UBR4: variants seen among roughly 807,000 people sequenced by gnomAD.
The protein encoded by UBR4 is ubiquitin protein ligase E3 component n-recognin 4.
Under a neutral mutation model 575.6 loss-of-function variants are expected in UBR4, and 124 were observed. That is an observed-to-expected ratio of 0.22 (90% CI 0.19 to 0.25). UBR4 has a LOEUF of 0.25. UBR4 is among the 10% of genes least tolerant of loss of function. The probability of loss-of-function intolerance (pLI) is 1.00; values close to 1 mark genes in which losing one functional copy is unlikely to be tolerated. For synonymous variants in UBR4, 2,455 were observed against 2,473.7 expected, an observed-to-expected ratio of 0.99 and a Z score of 0.22; for missense variants, 4,818 against 6,478.8, an observed-to-expected ratio of 0.74 and a Z score of 8.80.
chr1:19,179,687 A>G (rs2090670864), intron 17 of UBR4, among the ~76,000 whole-genome samples: 2 of 152,026 alleles, frequency 1.3e-5, no homozygotes, highest in African/African-American at 4.8e-5. Context: ...AATTCTGCCT[A>G]TGAGATCTCA....
intron 73 of UBR4, 142 bp from the exon 74 acceptor site, chr1:19,115,779 T>C (rs2080447379): frequency 8.2e-6 from 11 of 1,341,036 alleles, no homozygotes; most frequent in Admixed American, 2.4e-5. Flanking sequence ...TGGCATATAA[T>C]AGGAAGCCAG....
chr1:19,161,259 C>T (rs2087308084), intron 37 of UBR4, 112 bp from the exon 38 acceptor site: 1 of 992,754 alleles, frequency 1.0e-6, no homozygotes, highest in Admixed American at 2.4e-5. Context: ...CTAAGCGTTT[C>T]AATGTTATCC....
chr1:19,190,467 C>G (rs1336108389), intron 11 of UBR4, among the ~76,000 whole-genome samples: 2 of 151,788 alleles, frequency 1.3e-5, no homozygotes, highest in Non-Finnish European at 2.9e-5. Flanking sequence ...AGGCTGTGAC[C>G]TCTTCCTGAA....
chr1:19,184,138 GTGA>G lies in UBR4; in HGVS notation c.1973_1975del (p.Ile658del), dbSNP rs1173481234. 6.2e-7 allele frequency: 1 copy of G among 1,614,180 alleles called. No homozygotes were observed. The highest frequency in any genetic ancestry group is 1.7e-5 in the Admixed American group (1 of 60,024). ...GTTCCGAGAGTTCAGCATGGAAGAG[GTGA>G]TGAAGTTCAAAATGTTGGAAGCCAG... On this transcript the variant is annotated inframe_deletion, in exon 16 of 106. Transcript: ENST00000375254.
chr1:19,190,312 A>AAAAAAAAAAAATATATATAT, intron 11 of UBR4, among the ~76,000 whole-genome samples: 73 of 79,842 alleles, frequency 9.1e-4, no homozygotes, highest in Non-Finnish European at 1.2e-3. Context: ...AAAAAAAAAA[A>AAAAAAAAAAAATATATATAT]ATATATATAT....
intron 57 of UBR4, 98 bp downstream of exon 57, chr1:19,141,249 C>A: frequency 6.5e-7 from 1 of 1,526,832 alleles, no homozygotes; most frequent in East Asian, 2.3e-5. Flanking sequence ...CTCCCCATAT[C>A]TGGGGACAAA....
At chr1:19,147,025 G>T (rs906344480) in intron 51 of UBR4, 25 bp from the exon 52 acceptor site, 2 of 1,561,546 alleles carry the variant, frequency 1.3e-6, no homozygotes, top group Non-Finnish European at 1.7e-6. Flanking sequence ...GAGCACAGAG[G>T]GTCAGCCATA....
Position 19,176,582 on chromosome 1 carries a change from T to C in UBR4, c.2773+10A>G. Reference sequence around the variant, plus strand: ...TAAGTCAGTTTCTTATTAACAGTCTTCTTTCTGACCTGATGAGAAATGCTT... The same window carrying C: ...TAAGTCAGTTTCTTATTAACAGTCTCCTTTCTGACCTGATGAGAAATGCTT... On this transcript the variant is annotated intron_variant, in intron 20 of 105. Transcript: ENST00000375254. 6 of 1,612,422 alleles carry C rather than the reference T, an allele frequency of 3.7e-6. No homozygotes were observed. The highest frequency in any genetic ancestry group is 5.1e-6 in the Non-Finnish European group (6 of 1,179,190).
chr1:19,143,247 GAAGGAAGGAAGGAAGAAAGA>G (rs1279837451), intron 55 of UBR4, among the ~76,000 whole-genome samples: 73 of 127,480 alleles, frequency 5.7e-4, no homozygotes, highest in South Asian at 4.7e-3. Flanking sequence ...AGGAAGGAAG[GAAGGAAGGAAGGAAGAAAGA>G]AAGAAAGAAA....
intron 93 of UBR4, 95 bp from the exon 94 acceptor site, chr1:19,095,120 T>C: frequency 6.4e-7 from 1 of 1,568,142 alleles, no homozygotes; most frequent in Non-Finnish European, 8.7e-7. Context: ...ACAGCCTTAC[T>C]CCCCAGAGAC....
chr1:19,086,653 G>C (rs1021299529), intron 100 of UBR4, 26 bp downstream of exon 100: 1 of 1,611,466 alleles, frequency 6.2e-7, no homozygotes, highest in Non-Finnish European at 8.5e-7. Flanking sequence ...TACTGAAGGA[G>C]CCATTCCGCA....
intron 101 of UBR4, among the ~76,000 whole-genome samples, chr1:19,085,093 A>T (rs1018380012): frequency 6.6e-6 from 1 of 152,216 alleles, no homozygotes; most frequent in Non-Finnish European, 1.5e-5. Context: ...CTCCAAATAA[A>T]AGGGTTTTTT....
In UBR4 at chr1:19,140,905, T is replaced by G; in HGVS notation, c.8489-13A>C. ...CTGCTGCTGCTGCCTGGGAAACAAG[T>G]GGAGAGTGAGCACAACATCCCCTCC... On this transcript the variant is annotated splice_polypyrimidine_tract_variant and intron_variant, in intron 57 of 105. Transcript: ENST00000375254. 1 of 1,598,172 alleles carries G rather than the reference T, an allele frequency of 6.3e-7. No individual in the cohort carries two copies. Among genetic ancestry groups the G allele is most frequent in the East Asian group, 2.2e-5 (1 of 44,456 alleles).
At chr1:19,129,253 A>T (rs2082159165) in intron 60 of UBR4, among the ~76,000 whole-genome samples, 179 bp from the exon 61 acceptor site, 1 of 152,164 alleles carries the variant, frequency 6.6e-6, no homozygotes, top group Non-Finnish European at 1.5e-5. Context: ...GCCAGTCAGC[A>T]ACACAGAAGG....
chr1:19,177,248 T>A (rs534802179), intron 19 of UBR4, among the ~76,000 whole-genome samples: 7 of 151,982 alleles, frequency 4.6e-5, no homozygotes, highest in Non-Finnish European at 8.8e-5. Context: ...CATTCCACTT[T>A]CAAAAAATGC....
intron 25 of UBR4, among the ~76,000 whole-genome samples, chr1:19,172,140 T>TTA (rs1484106157): frequency 6.6e-6 from 1 of 152,238 alleles, no homozygotes; most frequent in Admixed American, 6.5e-5. Context: ...GCAGTGTTTG[T>TTA]TATAGAAAGA....
At chr1:19,133,596 ACT>A (rs2082793037) in intron 60 of UBR4, among the ~76,000 whole-genome samples, 1 of 152,202 alleles carries the variant, frequency 6.6e-6, no homozygotes, top group Non-Finnish European at 1.5e-5. Flanking sequence ...AAAAAGTTAC[ACT>A]GTTATTTGCA....
At chr1:19,127,371 C>T (rs558139375) in intron 63 of UBR4, among the ~76,000 whole-genome samples, 2 of 152,224 alleles carry the variant, frequency 1.3e-5, no homozygotes, top group Non-Finnish European at 2.9e-5. Context: ...GAGAGCCCTG[C>T]TCTTCAATAA....
At chr1:19,198,465 C>T (rs891536969) in intron 5 of UBR4, 76 bp downstream of exon 5, 2 of 1,518,614 alleles carry the variant, frequency 1.3e-6, no homozygotes, top group African/African-American at 2.8e-5. Flanking sequence ...ACATAAAATA[C>T]ATCACTTTTT....
Sources: allele counts gnomAD v4.1 joint callset (sites outside exome capture counted in the v4.1 genomes callset), GRCh38; gene constraint gnomAD v4.1.1; transcripts MANE v1.5; gene names NCBI Gene and HGNC (gene_info 2026-07-23, HGNC 2026-07-21).